The following TMEM74B variants were observed in gnomAD, a reference collection of about 807,000 sequenced individuals.
TMEM74B encodes transmembrane protein 74B.
Under a neutral mutation model 6.5 loss-of-function variants are expected in TMEM74B, and 7 were observed. The observed-to-expected ratio is 1.07, with a 90% CI of 0.61 to 2.01. The LOEUF is 2.01. TMEM74B is among the 30% of genes most tolerant of loss of function. The probability of loss-of-function intolerance (pLI) is 0.00; values close to 1 mark genes in which losing one functional copy is unlikely to be tolerated. For missense variants in TMEM74B, 342 were observed against 337.0 expected, an observed-to-expected ratio of 1.01 and a Z score of -0.12; for synonymous variants, 151 against 151.6, an observed-to-expected ratio of 1.00 and a Z score of 0.03.
chr20:1,184,610 GCACACGCGCGTACACACACACACACA>G lies in TMEM74B; in HGVS notation c.-482_-457del, dbSNP rs1185506979. The G allele has an allele frequency of 3.7e-5, 5 of 135,760 alleles. No homozygotes were observed. Among genetic ancestry groups the G allele is most frequent in the African/African-American group, 1.2e-4 (4 of 32,524 alleles). 8.4% of individuals were successfully genotyped at this position (135,760 alleles called of 1,614,324 possible). A position where few individuals can be genotyped will look rare whatever the true frequency, so the allele number is the denominator to read the frequency against. ...GGGCCACGCGAGTACCCCGTCACAC[GCACACGCGCGTACACACACACACACA>G]CACACACACACACACACACAAAGTG... On this transcript the variant is annotated 5_prime_UTR_variant, in exon 1 of 3. Transcript: ENST00000429036. The surrounding 1 kb of genome is among the most constrained non-coding windows in gnomAD (Gnocchi z 6.0).
In TMEM74B at chr20:1,181,238, G is replaced by A. The variant is rs371763334; in HGVS notation, c.381C>T (p.Leu127=). 8.7e-6 allele frequency: 14 copies of A among 1,614,000 alleles called. No individual in the cohort carries two copies. The highest frequency in any genetic ancestry group is 6.7e-5 in the African/African-American group (5 of 74,926). Residue 127 remains leucine, a synonymous_variant, in exon 3 of 3, where the codon CTC becomes CTT. Transcript: ENST00000429036. The surrounding 1 kb of genome is among the most constrained non-coding windows in gnomAD (Gnocchi z 4.9). The part of the protein sequence containing the change: ...RPVDYGFVSA[L]VFLVSGILLV... ...GAAGAATCCCACTCACCAGGAAAAC[G>A]AGGGCGGAAACAAAGCCATAATCCA... is the stretch of plus-strand genomic sequence containing the variant.
intron 2 of TMEM74B, 112 bp downstream of exon 2, chr20:1,183,659 G>A (rs948126441): frequency 4.8e-5 from 65 of 1,355,108 alleles, no homozygotes; most frequent in African/African-American, 5.8e-5. Flanking sequence ...CCCACGATCC[G>A]GAATTACTGT....
intron 2 of TMEM74B, among the ~76,000 whole-genome samples, chr20:1,182,527 G>GGATGGCATGGCTAAAACAGGTTGA (rs1555769304): frequency 5.9e-4 from 90 of 152,170 alleles, no homozygotes; most frequent in Non-Finnish European, 8.5e-4. Context: ...CAGCAGGTTG[G>GGATGGCATGGCTAAAACAGGTTGA]GGATGGCATG....
chr20:1,183,635 T>C (rs1161646515), intron 2 of TMEM74B, 136 bp downstream of exon 2: 1 of 1,013,068 alleles, frequency 9.9e-7, no homozygotes, highest in Non-Finnish European at 1.5e-6. Flanking sequence ...GTATCTCATA[T>C]CACCCTCACC....
upstream of TMEM74B, among the ~76,000 whole-genome samples, chr20:1,188,443 CAT>C (rs1414130874): frequency 9.3e-5 from 14 of 149,906 alleles, no homozygotes; most frequent in African/African-American, 3.4e-4. Flanking sequence ...ACCACACACA[CAT>C]GCCACACACA....
chr20:1,187,363 G>A (rs1288688827), upstream of TMEM74B, among the ~76,000 whole-genome samples: 3 of 152,108 alleles, frequency 2.0e-5, no homozygotes, highest in Non-Finnish European at 4.4e-5. Context: ...CTAGAAAAGG[G>A]GCTAACACCT....
At chr20:1,182,780 C>T (rs150063007) in intron 2 of TMEM74B, among the ~76,000 whole-genome samples, 3,092 of 152,314 alleles carry the variant, frequency 0.02, 77 homozygotes, top group Admixed American at 0.077. Context: ...TACTGACTTA[C>T]AGCCCGGGGA....
chr20:1,186,596 T>C (rs1171743916), upstream of TMEM74B: 2 of 152,156 alleles, frequency 1.3e-5, no homozygotes, highest in African/African-American at 4.8e-5. Context: ...AAGTTGGCCA[T>C]GTGGAAGGAC....
rs1187778098 is a variant in TMEM74B, at chr20:1,183,878, G to A, written c.-77C>T. The A allele has an allele frequency of 1.1e-5, 18 of 1,566,588 alleles. No individual in the cohort carries two copies. The highest frequency in any genetic ancestry group is 5.4e-5 in the African/African-American group (4 of 73,742). On this transcript the variant is annotated 5_prime_UTR_variant, in exon 2 of 3. It adds an upstream start codon to the 5' untranslated region. Transcript: ENST00000429036. ...TTTATCCAGCTGTTTATCAGCAACC[G>A]TGAGCACCTTGAGAGCAGGCATAAG...
upstream of TMEM74B, chr20:1,186,612 AATGAGTGTGCC>A (rs1434091966): frequency 6.6e-4 from 100 of 152,186 alleles, 2 homozygotes; most frequent in Admixed American, 6.5e-3. Flanking sequence ...AGGACAGGCG[AATGAGTGTGCC>A]ATGTCCTGCT....
chr20:1,188,577 G>T (rs186235763), upstream of TMEM74B, among the ~76,000 whole-genome samples: 8 of 128,046 alleles, frequency 6.2e-5, no homozygotes, highest in East Asian at 1.9e-3. Context: ...CACACCACAC[G>T]CACTACACAC....
At chr20:1,188,222 G>C (rs534498745), upstream of TMEM74B, among the ~76,000 whole-genome samples, 1 of 143,854 alleles carries the variant, frequency 7.0e-6, no homozygotes, top group Non-Finnish European at 1.5e-5. Flanking sequence ...ACTGTCAGGC[G>C]AGAGGGCCTA....
At chr20:1,183,092 A>T (rs1395228410) in intron 2 of TMEM74B, among the ~76,000 whole-genome samples, 1 of 152,146 alleles carries the variant, frequency 6.6e-6, no homozygotes, top group East Asian at 1.9e-4. Context: ...GCAGAACTGC[A>T]TCATTCCTTG....
At chr20:1,185,423 G>C (rs1025009250), upstream of TMEM74B, 2 of 151,558 alleles carry the variant, frequency 1.3e-5, no homozygotes, top group Non-Finnish European at 2.9e-5. Flanking sequence ...TACGGCGGCG[G>C]TGGCGGCCGC....
upstream of TMEM74B, among the ~76,000 whole-genome samples, chr20:1,188,668 C>CCA (rs1347957960): frequency 2.0e-5 from 3 of 150,280 alleles, no homozygotes; most frequent in Non-Finnish European, 3.0e-5. Context: ...TACACACACA[C>CCA]CACACACACA....
At position 1,180,738 on chromosome 20, in the gene TMEM74B, T is replaced by G; in HGVS notation, c.*110A>C. On this transcript the variant is annotated 3_prime_UTR_variant, in exon 3 of 3. Coordinates refer to ENST00000429036, the MANE Select transcript of TMEM74B (RefSeq NM_001304748.2). The surrounding 1 kb of genome is among the most constrained non-coding windows in gnomAD (Gnocchi z 6.1). ...CCAGTACTTCTTCCACAAGGCCCTATGTGAGCTCAGTTTAAAACCCCAGGG... is the reference window on the plus strand; with the variant it reads ...CCAGTACTTCTTCCACAAGGCCCTAGGTGAGCTCAGTTTAAAACCCCAGGG... 25 of 1,429,350 alleles carry G rather than the reference T, an allele frequency of 1.7e-5. No individual in the cohort carries two copies. Among genetic ancestry groups the G allele is most frequent in the Non-Finnish European group, 2.2e-5 (24 of 1,067,902 alleles). The allele number at this position is 1,429,350 out of a possible 1,614,324, so 88.5% of individuals were successfully genotyped here.
In TMEM74B at chr20:1,183,730, GT is replaced by G. The variant is rs999454485; in HGVS notation, c.31+40del. On this transcript the variant is annotated intron_variant, in intron 2 of 2. Transcript: ENST00000429036. ...ATGTATGGGAGGGTGGAGGACAGGA[GT>G]TGAATGCAGATTCCCTAAGAATTAT... is the stretch of plus-strand genomic sequence containing the variant. The G allele has an allele frequency of 1.9e-6, 3 of 1,612,366 alleles. No homozygotes were observed. The African/African-American group carries it at 4.0e-5, about 22-fold the overall frequency.
chr20:1,189,332 G>A (rs1407463463), upstream of TMEM74B: 2 of 152,146 alleles, frequency 1.3e-5, no homozygotes, highest in Non-Finnish European at 2.9e-5. This position sits in a 1 kb window ranked among gnomAD's most constrained non-coding sequence, Gnocchi z 4.5. Flanking sequence ...AATGTAGTGT[G>A]GTACCCTTGA....
intron 2 of TMEM74B, among the ~76,000 whole-genome samples, chr20:1,183,390 A>G (rs557788329): frequency 6.6e-6 from 1 of 152,222 alleles, no homozygotes; most frequent in East Asian, 1.9e-4. Context: ...ATGAAACTCA[A>G]AGAGCCTCAG....
Sources: gnomAD v4.1 joint callset for allele counts (sites outside exome capture counted in the v4.1 genomes callset) on GRCh38, gnomAD v4.1.1 for gene constraint, Gnocchi (gnomAD v3.1) non-coding constraint, MANE v1.5 for transcripts, NCBI Gene and HGNC (gene_info 2026-07-23, HGNC 2026-07-21) for gene names.